SCLT1: variants seen among roughly 807,000 people sequenced by gnomAD.
SCLT1 encodes the protein sodium channel and clathrin linker 1, also known as sodium channel-associated protein 1.
Under a neutral mutation model 112.8 loss-of-function variants are expected in SCLT1, and 78 were observed. The ratio of observed to expected loss-of-function variants is 0.69; its 90% confidence interval spans 0.58 to 0.83. The LOEUF is 0.83. SCLT1 is among the 40% of genes least tolerant of loss of function. The pLI, the probability that SCLT1 is intolerant of heterozygous loss-of-function variation, is 0.00. For missense variants in SCLT1, 747 were observed against 770.4 expected (o/e 0.97, Z 0.36); for synonymous variants, 257 against 254.7 (o/e 1.01, Z -0.09).
At chr4:129,073,616 C>A (rs1393608646) in intron 2 of SCLT1, among the ~76,000 whole-genome samples, 1 of 152,108 alleles carries the variant, frequency 6.6e-6, no homozygotes, top group Admixed American at 6.6e-5. Flanking sequence ...GCCTTATTCA[C>A]TATCATATTC....
chr4:129,019,521 A>G (rs1189333778), intron 5 of SCLT1, among the ~76,000 whole-genome samples: 3 of 152,170 alleles, frequency 2.0e-5, no homozygotes, highest in African/African-American at 7.2e-5. Context: ...TAGAAGAGAG[A>G]GTCAGACAAA....
chr4:128,900,977 C>T (rs1049275653), intron 18 of SCLT1, among the ~76,000 whole-genome samples: 3 of 151,902 alleles, frequency 2.0e-5, no homozygotes, highest in Admixed American at 6.6e-5. Flanking sequence ...CAATGAGATA[C>T]CATCTCACAC....
intron 1 of SCLT1, among the ~76,000 whole-genome samples, chr4:129,086,555 A>C (rs1401067074): frequency 6.6e-6 from 1 of 152,150 alleles, no homozygotes; most frequent in African/African-American, 2.4e-5. Flanking sequence ...GAAGGCACTT[A>C]TCCAGAGGGT....
rs114293796 is a variant in SCLT1, at chr4:128,954,176, T to C, written c.1147-1336A>G. ...CTAAAGGTCTTCGAGAATTTTCTAG[T>C]ACAAGATGGACTATTTTGAAAATAT... On this transcript the variant is annotated intron_variant, in intron 13 of 20. Coordinates refer to ENST00000281142, the MANE Select transcript of SCLT1 (RefSeq NM_144643.4). Among the ~76,000 whole-genome samples the C allele has an allele frequency of 3.6e-3, 550 of 152,272 alleles. 5 individuals are homozygous for C. Among genetic ancestry groups the C allele is most frequent in the African/African-American group, 0.013 (527 of 41,564 alleles).
intron 18 of SCLT1, among the ~76,000 whole-genome samples, chr4:128,898,874 C>T (rs1011430553): frequency 1.2e-4 from 18 of 152,180 alleles, no homozygotes; most frequent in African/African-American, 4.1e-4. Flanking sequence ...TACAAACTAC[C>T]ATCAGAGAAT....
At chr4:128,877,295 T>G (rs1342729902) in intron 3 of SCLT1, among the ~76,000 whole-genome samples, 1 of 152,122 alleles carries the variant, frequency 6.6e-6, no homozygotes, top group East Asian at 1.9e-4. Flanking sequence ...ATTAAGTAAT[T>G]TGCTCAAGGT....
chr4:129,028,089 T>G (rs1267952611), intron 5 of SCLT1, among the ~76,000 whole-genome samples: 1 of 152,112 alleles, frequency 6.6e-6, no homozygotes, highest in African/African-American at 2.4e-5. Flanking sequence ...ATTGTGAAAA[T>G]GGCCAAACTG....
At chr4:128,939,102 G>A (rs538333220) in intron 17 of SCLT1, among the ~76,000 whole-genome samples, 7 of 152,132 alleles carry the variant, frequency 4.6e-5, no homozygotes, top group African/African-American at 9.7e-5. Flanking sequence ...TCTATTTATC[G>A]TTTCACAAGC....
intron 5 of SCLT1, among the ~76,000 whole-genome samples, chr4:129,017,983 T>C (rs188330113): frequency 2.0e-4 from 31 of 152,354 alleles, no homozygotes; most frequent in African/African-American, 7.0e-4. Flanking sequence ...AGCAGCTATA[T>C]CTACTGCTGG....
chr4:128,923,036 T>A (rs1391346826), intron 18 of SCLT1, among the ~76,000 whole-genome samples: 1 of 152,096 alleles, frequency 6.6e-6, no homozygotes, highest in Non-Finnish European at 1.5e-5. Context: ...TTTATTTTGG[T>A]TTTAAAATCA....
chr4:128,940,752 T>C (rs1159815783), intron 17 of SCLT1, among the ~76,000 whole-genome samples: 2 of 151,892 alleles, frequency 1.3e-5, no homozygotes, highest in East Asian at 3.9e-4. Flanking sequence ...ATATTTTTTT[T>C]AATGTTTTGT....
chr4:129,043,945 ATAAT>A, intron 3 of SCLT1, 44 bp downstream of exon 3: 1 of 911,480 alleles, frequency 1.1e-6, no homozygotes, highest in Admixed American at 2.1e-5. Flanking sequence ...TATGCTAATA[ATAAT>A]TAAATATAAC....
At chr4:129,088,906 G>A (rs2125786470) in intron 1 of SCLT1, among the ~76,000 whole-genome samples, 1 of 152,240 alleles carries the variant, frequency 6.6e-6, no homozygotes, top group Non-Finnish European at 1.5e-5. Context: ...AACCCTAGAA[G>A]AAAACCTAGG....
chr4:128,991,374 A>G (rs553459304), intron 9 of SCLT1, among the ~76,000 whole-genome samples: 1 of 151,912 alleles, frequency 6.6e-6, no homozygotes, highest in Non-Finnish European at 1.5e-5. Context: ...TGAAACTACT[A>G]GAAGAAAATG....
chr4:129,081,912 TA>T (rs1751975019), intron 2 of SCLT1, among the ~76,000 whole-genome samples: 1 of 152,098 alleles, frequency 6.6e-6, no homozygotes, highest in Admixed American at 6.6e-5. Flanking sequence ...ACACAATATT[TA>T]AATAAGAAGA....
chr4:129,048,113 G>T (rs900923330), intron 2 of SCLT1, among the ~76,000 whole-genome samples: 1 of 152,082 alleles, frequency 6.6e-6, no homozygotes, highest in Non-Finnish European at 1.5e-5. Flanking sequence ...ATAGTGTTGG[G>T]TGTTACATTT....
chr4:129,034,601 A>C (rs1000341816), intron 5 of SCLT1, among the ~76,000 whole-genome samples: 2 of 150,374 alleles, frequency 1.3e-5, no homozygotes, highest in African/African-American at 2.4e-5. Flanking sequence ...TGCCTAAATA[A>C]ATATCTTAAG....
intron 2 of SCLT1, among the ~76,000 whole-genome samples, chr4:129,055,859 C>T (rs1749334547): frequency 6.6e-6 from 1 of 151,812 alleles, no homozygotes; most frequent in Non-Finnish European, 1.5e-5. Context: ...ACAAACAAAA[C>T]TCCTGCAGCT....
At chr4:129,075,779 G>A (rs1726619943) in intron 2 of SCLT1, among the ~76,000 whole-genome samples, 1 of 152,106 alleles carries the variant, frequency 6.6e-6, no homozygotes, top group South Asian at 2.1e-4. Flanking sequence ...TAGTACAGGT[G>A]AATTGTTATA....
Sources: allele counts gnomAD v4.1 joint callset (sites outside exome capture counted in the v4.1 genomes callset), GRCh38; gene constraint gnomAD v4.1.1; transcripts MANE v1.5; gene names NCBI Gene and HGNC (gene_info 2026-07-23, HGNC 2026-07-21).